Variants in CCDC187 observed in about 807,000 individuals in gnomAD.
CCDC187 encodes coiled-coil domain-containing protein 187.
In CCDC187, 32 loss-of-function variants were observed where a neutral mutation model predicts 38.0. The observed-to-expected ratio is 0.84, with a 90% CI of 0.64 to 1.13. CCDC187 has a LOEUF of 1.13. Among genes scored for constraint, CCDC187 ranks in the 50% most tolerant of loss-of-function variants. The probability of loss-of-function intolerance (pLI) is 0.00; values close to 1 mark genes in which losing one functional copy is unlikely to be tolerated. For synonymous variants in CCDC187, 333 were observed against 347.9 expected (o/e 0.96, Z 0.48); for missense variants, 707 against 786.8 (o/e 0.90, Z 1.21).
intron 2 of CCDC187, among the ~76,000 whole-genome samples, chr9:136,301,287 C>T (rs1026643833): frequency 3.3e-5 from 5 of 152,002 alleles, no homozygotes; most frequent in Non-Finnish European, 7.4e-5. Context: ...TACCTCCCAC[C>T]GCTACGAAAA....
chr9:136,269,312 G>C (rs1379399539), intron 14 of CCDC187, among the ~76,000 whole-genome samples: 1 of 152,182 alleles, frequency 6.6e-6, no homozygotes, highest in Non-Finnish European at 1.5e-5. Flanking sequence ...AGTCTGAAAG[G>C]ACCAAATTAC....
intron 4 of CCDC187, among the ~76,000 whole-genome samples, chr9:136,295,302 A>G: frequency 6.6e-6 from 1 of 152,244 alleles, no homozygotes; most frequent in Non-Finnish European, 1.5e-5. Flanking sequence ...CGGCCCCTCC[A>G]TTGCTGGCCA....
chr9:136,301,781 G>A (rs1831691294), intron 2 of CCDC187, among the ~76,000 whole-genome samples: 1 of 151,514 alleles, frequency 6.6e-6, no homozygotes, highest in Admixed American at 6.6e-5. Flanking sequence ...GTAGAGATGG[G>A]GTTTTACCAT....
rs1830590262 is a variant in CCDC187 at position 136,254,608 on chromosome 9, C to A, written c.5220G>T (p.Leu1740=). 7 of 985,500 alleles carry A rather than the reference C, an allele frequency of 7.1e-6. No homozygotes were observed. The highest frequency in any genetic ancestry group is 8.4e-6 in the Non-Finnish European group (7 of 830,002). 61.0% of individuals were successfully genotyped at this position (985,500 alleles called of 1,614,324 possible). A position where few individuals can be genotyped will look rare whatever the true frequency, so the allele number is the denominator to read the frequency against. ...PEQSPKAGWL[L]PFPDIPSPRS... ...TTGGAGAGGGGATGTCTGGGAAAGGCAGTAGCCAGCCTGCCTTTGGGCTTT... is the reference window on the plus strand; with the variant it reads ...TTGGAGAGGGGATGTCTGGGAAAGGAAGTAGCCAGCCTGCCTTTGGGCTTT... The change falls in exon 26 of 26, where the codon CTG becomes CTT. Residue 1740 remains leucine (L), a synonymous_variant. Coordinates refer to ENST00000638797, the MANE Select transcript of CCDC187 (RefSeq NM_001378188.1).
In CCDC187 at chr9:136,251,020, T is replaced by C. The variant is rs1554759305; in HGVS notation, c.*2574A>G. The C allele has an allele frequency of 2.2e-6, 1 of 456,266 alleles. No individual in the cohort carries two copies. 28.3% of individuals were successfully genotyped at this position (456,266 alleles called of 1,614,324 possible). A position where few individuals can be genotyped will look rare whatever the true frequency, so the allele number is the denominator to read the frequency against. On this transcript the variant is annotated 3_prime_UTR_variant, in exon 26 of 26. Transcript: ENST00000638797. ...TTAGGGCTTTGCCACGCCAGCTTTG[T>C]GATGCCTCCCACCAGACTGCATGCA...
intron 9 of CCDC187, among the ~76,000 whole-genome samples, chr9:136,285,096 G>C (rs1831143097): frequency 6.6e-6 from 1 of 152,124 alleles, no homozygotes; most frequent in Non-Finnish European, 1.5e-5. Flanking sequence ...GCCCGTGCTG[G>C]GGATGGGAGC....
chr9:136,260,106 G>A lies in CCDC187; in HGVS notation c.4210+13C>T, dbSNP rs374458528. 5.2e-5 allele frequency: 51 copies of A among 985,408 alleles called. No individual in the cohort carries two copies. Among genetic ancestry groups the A allele is most frequent in the African/African-American group, 1.9e-4 (11 of 57,332 alleles). 61.0% of individuals were successfully genotyped at this position (985,408 alleles called of 1,614,324 possible). On this transcript the variant is annotated intron_variant, in intron 20 of 25. Transcript: ENST00000638797. ...CCGTCTGACCCTGGGCGGTCGCCGC[G>A]GCTGCTCATTACCTTGACTGACATG...
intron 4 of CCDC187, among the ~76,000 whole-genome samples, chr9:136,293,700 TCA>T (rs1331523252): frequency 4.0e-5 from 6 of 151,412 alleles, no homozygotes; most frequent in South Asian, 2.1e-4. Context: ...TCACACATGC[TCA>T]GTCACATGCT....
chr9:136,304,915 G>A (rs1831775562), upstream of CCDC187, among the ~76,000 whole-genome samples: 1 of 152,208 alleles, frequency 6.6e-6, no homozygotes, highest in African/African-American at 2.4e-5. Flanking sequence ...AGGCACGAAG[G>A]ATGGAGGGCC....
chr9:136,253,925 G>T lies in CCDC187; in HGVS notation c.5903C>A (p.Ala1968Asp). 1 of 985,534 alleles carries T rather than the reference G, an allele frequency of 1.0e-6. No individual in the cohort carries two copies. The highest frequency in any genetic ancestry group is 1.1e-4 in the East Asian group (1 of 8,810). The allele number at this position is 985,534 out of a possible 1,614,324, so 61.0% of individuals were successfully genotyped here. A position where few individuals can be genotyped will look rare whatever the true frequency, so the allele number is the denominator to read the frequency against. Residue 1968 changes from alanine (A) to aspartate (D), a missense_variant, in exon 26 of 26, where the codon GCC (alanine) becomes GAC (aspartate). Physicochemically the swap from Ala to Asp is moderately radical, Grantham distance 126. Coordinates refer to ENST00000638797, the MANE Select transcript of CCDC187 (RefSeq NM_001378188.1). Reference protein sequence around the residue: ...SRAPGPGGNGAPTVLEEACPL... With the variant: ...SRAPGPGGNGDPTVLEEACPL... ...ACAGGCTTCCTCCAGGACAGTGGGG[G>T]CCCCATTCCCACCAGGCCCAGGCGC...
intron 14 of CCDC187, among the ~76,000 whole-genome samples, chr9:136,273,856 G>A (rs1360170546): frequency 1.3e-5 from 2 of 152,256 alleles, no homozygotes; most frequent in Admixed American, 1.3e-4. Context: ...GAGATGGGGC[G>A]ACTGTGGCCG....
chr9:136,303,319 GTCAGA>G (rs1268220258), intron 1 of CCDC187, 26 bp from the exon 2 acceptor site: 14 of 396,894 alleles, frequency 3.5e-5, no homozygotes, highest in Non-Finnish European at 5.3e-5. Flanking sequence ...AGACATGCCG[GTCAGA>G]CATGCAGGCG....
intron 16 of CCDC187, chr9:136,266,608 A>G (rs1310620495): frequency 1.3e-5 from 2 of 152,244 alleles, no homozygotes; most frequent in African/African-American, 4.8e-5. Flanking sequence ...AGAGGCCCGG[A>G]GATCCGGGAC....
chr9:136,299,328 A>G (rs918723401), intron 3 of CCDC187, among the ~76,000 whole-genome samples: 3 of 152,090 alleles, frequency 2.0e-5, no homozygotes. Context: ...GCTGCTGCCC[A>G]ACCAGACCTC....
At chr9:136,294,748 G>T (rs1007025270) in intron 4 of CCDC187, among the ~76,000 whole-genome samples, 1 of 152,182 alleles carries the variant, frequency 6.6e-6, no homozygotes, top group South Asian at 2.1e-4. Flanking sequence ...CCAAAGCCAC[G>T]TCCCCAAGGA....
In CCDC187 at chr9:136,254,752, TG is replaced by T. The variant is rs1830592633; in HGVS notation, c.5075del (p.Pro1692GlnfsTer11). 1.0e-6 allele frequency: 1 copy of T among 985,402 alleles called. No individual in the cohort carries two copies. Among genetic ancestry groups the T allele is most frequent in the Admixed American group, 6.1e-5 (1 of 16,274 alleles). The allele number at this position is 985,402 out of a possible 1,614,324, so 61.0% of individuals were successfully genotyped here. A position where few individuals can be genotyped will look rare whatever the true frequency, so the allele number is the denominator to read the frequency against. On this transcript the variant is annotated frameshift_variant, in exon 26 of 26. Transcript: ENST00000638797. LOFTEE classifies it low-confidence loss of function (END_TRUNC). ...SWRSNQGEPR[P>X]GSAPGGGGWV... The stretch of plus-strand genomic sequence containing the variant: ...ATCCTCCACCCCCAGGAGCACTGCC[TG>T]GCCGAGGCTCACCCTGGTTTGACCG...
At position 136,263,821 on chromosome 9, in the gene CCDC187, T is replaced by A. The variant is rs1830708813; in HGVS notation, c.3736-23A>T. 3.0e-6 allele frequency: 3 copies of A among 985,492 alleles called. No individual in the cohort carries two copies. The South Asian group carries it at 1.4e-4, about 46-fold the overall frequency. The allele number at this position is 985,492 out of a possible 1,614,324, so 61.0% of individuals were successfully genotyped here. A position where few individuals can be genotyped will look rare whatever the true frequency, so the allele number is the denominator to read the frequency against. Reference sequence around the variant, plus strand: ...CCTCTGAGCAGGCAAAATAAGCAGATGTCAGCATAACCCCGGAGCCAGCAG... The same window carrying A: ...CCTCTGAGCAGGCAAAATAAGCAGAAGTCAGCATAACCCCGGAGCCAGCAG... On this transcript the variant is annotated intron_variant, in intron 17 of 25. Coordinates refer to ENST00000638797, the MANE Select transcript of CCDC187 (RefSeq NM_001378188.1).
chr9:136,280,191 C>T (rs1482002418), intron 10 of CCDC187, among the ~76,000 whole-genome samples: 2 of 152,266 alleles, frequency 1.3e-5, no homozygotes, highest in African/African-American at 4.8e-5. Context: ...CTCCCCTTGG[C>T]ACTCATGCCT....
At chr9:136,261,884 G>A (rs898145826) in intron 19 of CCDC187, among the ~76,000 whole-genome samples, 7 of 152,228 alleles carry the variant, frequency 4.6e-5, no homozygotes, top group African/African-American at 9.6e-5. Context: ...GGGCCATTTC[G>A]AGCCCGGAAA....
Sources: gnomAD v4.1 joint callset for allele counts (sites outside exome capture counted in the v4.1 genomes callset) on GRCh38, gnomAD v4.1.1 for gene constraint, MANE v1.5 for transcripts, NCBI Gene and HGNC (gene_info 2026-07-23, HGNC 2026-07-21) for gene names.